TGM3: variants seen among roughly 807,000 people sequenced by gnomAD.
TGM3 encodes transglutaminase 3.
Under a neutral mutation model 73.8 loss-of-function variants are expected in TGM3, and 52 were observed. The observed-to-expected ratio is 0.70, with a 90% confidence interval of 0.56 to 0.89. TGM3 has a LOEUF of 0.89. TGM3 is among the 40% of genes least tolerant of loss of function. The pLI is 0.00. For missense variants in TGM3, 928 were observed against 909.9 expected, an observed-to-expected ratio of 1.02 and a Z score of -0.26; for synonymous variants, 372 against 354.9, an observed-to-expected ratio of 1.05 and a Z score of -0.54.
In TGM3 at chr20:2,311,120, C is replaced by G; in HGVS notation, c.531C>G (p.Asn177Lys). Residue 177 changes from asparagine (N) to lysine (K), a missense_variant, in exon 4 of 13, where the codon AAC becomes AAG. By Grantham distance (94) the Asn-to-Lys change is moderately conservative (BLOSUM62 0). Transcript: ENST00000381458. The part of the protein sequence containing the change: ...STNRIGMIGW[N>K]FGQFEEDILS... The stretch of plus-strand genomic sequence containing the variant: ...ACCGAATTGGCATGATTGGCTGGAA[C>G]TTTGGACAGGTAAAAGGGTCATAAG... 6.2e-7 allele frequency: 1 copy of G among 1,614,010 alleles called. No individual in the cohort carries two copies. The highest frequency in any genetic ancestry group is 8.5e-7 in the Non-Finnish European group (1 of 1,179,920).
intron 5 of TGM3, among the ~76,000 whole-genome samples, chr20:2,316,345 G>A (rs2084232746): frequency 6.6e-6 from 1 of 152,158 alleles, no homozygotes; most frequent in Non-Finnish European, 1.5e-5. Flanking sequence ...TTTGGGAGCT[G>A]ATGTGGGCAG....
chr20:2,309,815 T>G lies in TGM3; in HGVS notation c.166T>G (p.Phe56Val). ...KGLGSNERLE[F>V]IVSTGPYPSE... Reference sequence around the variant, plus strand: ...CCTTGGCTCTAACGAAAGACTGGAGTTCATTGTCTCCACAGGTACCTGCTC... The same window carrying G: ...CCTTGGCTCTAACGAAAGACTGGAGGTCATTGTCTCCACAGGTACCTGCTC... Residue 56 changes from phenylalanine (F) to valine (V), a missense_variant, in exon 2 of 13, where the codon TTC becomes GTC. Phe to Val is a conservative substitution (Grantham distance 50). Transcript: ENST00000381458. 6.2e-7 allele frequency: 1 copy of G among 1,614,006 alleles called. No homozygotes were observed. The highest frequency in any genetic ancestry group is 8.5e-7 in the Non-Finnish European group (1 of 1,179,996).
intron 1 of TGM3, 91 bp downstream of exon 1, chr20:2,296,161 C>G (rs2084105605): frequency 2.7e-6 from 4 of 1,486,896 alleles, no homozygotes; most frequent in Non-Finnish European, 2.7e-6. Context: ...CCGGCCAGGA[C>G]AGCTGCCTGC....
chr20:2,340,469 T>TC lies in TGM3; in HGVS notation c.1972dup (p.Arg658ProfsTer3). 1 of 1,613,808 alleles carries TC rather than the reference T, an allele frequency of 6.2e-7. No homozygotes were observed. On this transcript the variant is annotated frameshift_variant, in exon 13 of 13. Coordinates refer to ENST00000381458, the MANE Select transcript of TGM3 (RefSeq NM_003245.4). LOFTEE classifies it high-confidence loss of function. Reference sequence around the variant, plus strand: ...CTAGGGCCCAAGGAGGGGTCCCGGGTCCGTTTTGATATCCTGCCCTCCCGG... The same window carrying TC: ...CTAGGGCCCAAGGAGGGGTCCCGGGTCCCGTTTTGATATCCTGCCCTCCCGG...
rs780450522 is a variant in TGM3, at chr20:2,312,999, A to C, written c.642A>C (p.Lys214Asn). Residue 214 changes from lysine to asparagine, a missense_variant, in exon 5 of 13, where the codon AAA becomes AAC. By Grantham distance (94) the Lys-to-Asn change is moderately conservative. Coordinates refer to ENST00000381458, the MANE Select transcript of TGM3 (RefSeq NM_003245.4). ...ATGTGGCCAGCAGAAATGACCCCAA[A>C]TACGTTGGCCGGGTGCTGAGTGCCA... ...ATDVASRNDP[K>N]YVGRVLSAMI... 1 of 1,614,180 alleles carries C rather than the reference A, an allele frequency of 6.2e-7. No individual in the cohort carries two copies.
chr20:2,319,203 T>C (rs900557405), intron 7 of TGM3, among the ~76,000 whole-genome samples: 2 of 152,204 alleles, frequency 1.3e-5, no homozygotes, highest in Non-Finnish European at 2.9e-5. Context: ...CTAACTTTAG[T>C]TTCTTCTACA....
intron 1 of TGM3, among the ~76,000 whole-genome samples, chr20:2,298,408 C>A (rs550540487): frequency 6.6e-6 from 1 of 152,314 alleles, no homozygotes; most frequent in East Asian, 1.9e-4. Flanking sequence ...CACTTGGAAG[C>A]CCTGGGTTAG....
intron 5 of TGM3, among the ~76,000 whole-genome samples, chr20:2,315,289 A>G (rs1198962785): frequency 6.6e-6 from 1 of 152,190 alleles, no homozygotes; most frequent in African/African-American, 2.4e-5. Flanking sequence ...CCATGAACTA[A>G]TTATGGCCTG....
At chr20:2,327,041 C>T (rs2084291786) in intron 8 of TGM3, among the ~76,000 whole-genome samples, 7 of 152,090 alleles carry the variant, frequency 4.6e-5, no homozygotes, top group Admixed American at 4.6e-4. Flanking sequence ...CACAATTTTC[C>T]AAAAGTTTCA....
chr20:2,325,730 G>A (rs1453991575), intron 7 of TGM3, 119 bp from the exon 8 acceptor site: 1 of 743,792 alleles, frequency 1.3e-6, no homozygotes. Flanking sequence ...CGCCGTCACA[G>A]GGCAAACTCA....
At chr20:2,310,102 G>T in intron 2 of TGM3, 76 bp from the exon 3 acceptor site, 3 of 1,583,040 alleles carry the variant, frequency 1.9e-6, no homozygotes, top group East Asian at 2.2e-5. Flanking sequence ...CCCAGAGGGG[G>T]GTTGTATTGG....
At chr20:2,311,223 TC>T in intron 4 of TGM3, 94 bp downstream of exon 4, 1 of 993,258 alleles carries the variant, frequency 1.0e-6, no homozygotes, top group South Asian at 1.3e-5. Context: ...CCCACATCTG[TC>T]CATCTGCCTG....
At chr20:2,330,431 C>A (rs2084313885) in intron 9 of TGM3, among the ~76,000 whole-genome samples, 1 of 152,182 alleles carries the variant, frequency 6.6e-6, no homozygotes, top group South Asian at 2.1e-4. Flanking sequence ...TCAAAAGGAA[C>A]CCAGCCCACC....
At chr20:2,330,072 G>A (rs1211358871) in intron 9 of TGM3, among the ~76,000 whole-genome samples, 1 of 152,034 alleles carries the variant, frequency 6.6e-6, no homozygotes, top group Non-Finnish European at 1.5e-5. Flanking sequence ...GGTCCCTGAA[G>A]GACTCCCAGC....
chr20:2,338,461 T>C (rs2084363118), intron 11 of TGM3, among the ~76,000 whole-genome samples: 1 of 152,228 alleles, frequency 6.6e-6, no homozygotes, highest in Non-Finnish European at 1.5e-5. Flanking sequence ...GCTGCACTCT[T>C]CAAATTATGT....
intron 1 of TGM3, among the ~76,000 whole-genome samples, chr20:2,306,314 G>T (rs1021784000): frequency 6.7e-6 from 1 of 149,940 alleles, no homozygotes; most frequent in East Asian, 2.0e-4. Flanking sequence ...TCTGGAAAAG[G>T]ACATGCATCC....
At chr20:2,326,762 G>A (rs1165650201) in intron 8 of TGM3, among the ~76,000 whole-genome samples, 4 of 151,662 alleles carry the variant, frequency 2.6e-5, no homozygotes, top group African/African-American at 4.8e-5. Flanking sequence ...TGGGAGAATC[G>A]CTGGAACTCA....
chr20:2,328,243 A>G lies in TGM3; in HGVS notation c.1211A>G (p.Asn404Ser), dbSNP rs747853329. The G allele has an allele frequency of 6.2e-7, 1 of 1,614,192 alleles. No homozygotes were observed. Among genetic ancestry groups the G allele is most frequent in the Non-Finnish European group, 8.5e-7 (1 of 1,180,040 alleles). Reference sequence around the variant, plus strand: ...GACCGCATCACCTGGCTGTACGACAACACCACTGGCAAACAGTGGAAGAAT... The same window carrying G: ...GACCGCATCACCTGGCTGTACGACAGCACCACTGGCAAACAGTGGAAGAAT... ...NADRITWLYD[N>S]TTGKQWKNSV... Residue 404 changes from asparagine to serine, a missense_variant, in exon 9 of 13, where the codon AAC becomes AGC. Transcript: ENST00000381458. This position sits in a 1 kb window ranked among gnomAD's most constrained non-coding sequence, Gnocchi z 5.2.
chr20:2,331,005 C>CAAAA (rs59627856), intron 9 of TGM3, among the ~76,000 whole-genome samples: 14,960 of 65,240 alleles, frequency 0.23, 1,813 homozygotes, highest in South Asian at 0.34. Flanking sequence ...GACCCTGTCA[C>CAAAA]AAAAAAAAAA....
Sources: allele counts gnomAD v4.1 joint callset (sites outside exome capture counted in the v4.1 genomes callset), GRCh38; gene constraint gnomAD v4.1.1; non-coding constraint Gnocchi (gnomAD v3.1); transcripts MANE v1.5; gene names NCBI Gene and HGNC (gene_info 2026-07-23, HGNC 2026-07-21).